Variants in RNLS observed in about 807,000 individuals in gnomAD.
RNLS encodes the protein renalase.
In RNLS, 39 loss-of-function variants were observed where a neutral mutation model predicts 39.8. The observed-to-expected ratio is 0.98, with a 90% CI of 0.76 to 1.28. The LOEUF (loss-of-function observed/expected upper bound fraction) is 1.28, where lower values mean the gene tolerates loss of function less well. Ranked by LOEUF, RNLS falls within the 50% of genes most tolerant of loss-of-function variation. The pLI, the probability that RNLS is intolerant of heterozygous loss-of-function variation, is 0.00. For synonymous variants in RNLS, 147 were observed against 150.7 expected (o/e 0.98, Z 0.18); for missense variants, 410 against 413.3 (o/e 0.99, Z 0.07).
chr10:88,482,375 A>G (rs972936773), intron 4 of RNLS, among the ~76,000 whole-genome samples: 1 of 151,940 alleles, frequency 6.6e-6, no homozygotes, highest in African/African-American at 2.4e-5. Context: ...AATAATTTCT[A>G]TTGATTTGTC....
chr10:88,223,920 T>G, the RNLS span, among the ~76,000 whole-genome samples: 1 of 152,040 alleles, frequency 6.6e-6, no homozygotes, highest in Non-Finnish European at 1.5e-5. Flanking sequence ...ATCCCTTCTT[T>G]TAAGAGTTTT....
chr10:88,580,492 A>G (rs1425406686), intron 3 of RNLS, among the ~76,000 whole-genome samples: 1 of 152,236 alleles, frequency 6.6e-6, no homozygotes, highest in Non-Finnish European at 1.5e-5. Context: ...CTTAGCCTAT[A>G]TCCTTTCTCA....
At chr10:88,474,748 T>TG (rs1461618353) in intron 4 of RNLS, among the ~76,000 whole-genome samples, 1 of 152,044 alleles carries the variant, frequency 6.6e-6, no homozygotes, top group Non-Finnish European at 1.5e-5. Context: ...TTACAATAGG[T>TG]GTAATACCTG....
At chr10:88,551,560 C>T (rs7901991) in intron 4 of RNLS, among the ~76,000 whole-genome samples, 70,418 of 152,030 alleles carry the variant, frequency 0.46, 17,151 homozygotes, top group African/African-American at 0.62. Context: ...TTCTACTGCT[C>T]CTACTTTGGA....
At chr10:88,371,904 TA>T (rs1850589201) in intron 4 of RNLS, among the ~76,000 whole-genome samples, 1 of 152,138 alleles carries the variant, frequency 6.6e-6, no homozygotes, top group African/African-American at 2.4e-5. Flanking sequence ...TATAGGACAA[TA>T]AAGTTCATAT....
At chr10:88,527,444 C>T (rs1847171307) in intron 4 of RNLS, among the ~76,000 whole-genome samples, 1 of 152,136 alleles carries the variant, frequency 6.6e-6, no homozygotes, top group African/African-American at 2.4e-5. Flanking sequence ...AGCCCTGTGC[C>T]CTGGGGAGGG....
the RNLS span, among the ~76,000 whole-genome samples, chr10:88,238,070 T>C: frequency 1.3e-5 from 2 of 152,238 alleles, no homozygotes; most frequent in Non-Finnish European, 2.9e-5. Context: ...GAACTTGAGC[T>C]GCCATGTGGT....
intron 4 of RNLS, among the ~76,000 whole-genome samples, chr10:88,388,727 T>A (rs1451594564): frequency 6.6e-6 from 1 of 152,168 alleles, no homozygotes; most frequent in African/African-American, 2.4e-5. Context: ...ATTACTTATG[T>A]TTTTATTTGA....
intron 3 of RNLS, among the ~76,000 whole-genome samples, chr10:88,579,296 T>C (rs1309246000): frequency 6.6e-6 from 1 of 152,220 alleles, no homozygotes; most frequent in African/African-American, 2.4e-5. Flanking sequence ...GGAACTGTTG[T>C]GAGCTACAAT....
chr10:88,249,086 G>A, the RNLS span, among the ~76,000 whole-genome samples: 1 of 152,154 alleles, frequency 6.6e-6, no homozygotes, highest in African/African-American at 2.4e-5. Context: ...GCTGTGTTTT[G>A]TAGGCTTCTG....
At chr10:88,370,319 A>G (rs946623590) in intron 4 of RNLS, among the ~76,000 whole-genome samples, 3 of 152,132 alleles carry the variant, frequency 2.0e-5, no homozygotes, top group Non-Finnish European at 2.9e-5. Context: ...TAAAATAAAC[A>G]CTTTTAAAAA....
chr10:88,276,034 A>T (rs1313061423), intron 6 of RNLS, among the ~76,000 whole-genome samples: 1 of 152,194 alleles, frequency 6.6e-6, no homozygotes, highest in Non-Finnish European at 1.5e-5. Context: ...AGCTTAGGTG[A>T]CAGAGCAAGA....
downstream of RNLS, among the ~76,000 whole-genome samples, chr10:88,282,478 TACACACACACACACACACACACAC>T (rs60829171): frequency 1.2e-3 from 170 of 143,034 alleles, 2 homozygotes; most frequent in South Asian, 0.026. Context: ...AAAGTGAAAA[TACACACACACACACACACACACAC>T]ACACACACAC....
At chr10:88,582,960 G>A (rs771343562) in intron 1 of RNLS, 113 bp downstream of exon 1, 51 of 1,244,802 alleles carry the variant, frequency 4.1e-5, no homozygotes, top group Admixed American at 8.0e-5. Context: ...GCCGCTCAGG[G>A]AGCTGAGGGT....
At chr10:88,405,324 T>C (rs1853190063) in intron 4 of RNLS, among the ~76,000 whole-genome samples, 1 of 152,058 alleles carries the variant, frequency 6.6e-6, no homozygotes, top group South Asian at 2.1e-4. Context: ...CTATCATAAT[T>C]ATCAACATCG....
chr10:88,473,888 T>G (rs1288304555), intron 4 of RNLS, among the ~76,000 whole-genome samples: 1 of 152,118 alleles, frequency 6.6e-6, no homozygotes, highest in African/African-American at 2.4e-5. Context: ...CTTCTTTTCC[T>G]TTCATAAATG....
At chr10:88,175,968 G>T in the RNLS span, among the ~76,000 whole-genome samples, 1 of 152,078 alleles carries the variant, frequency 6.6e-6, no homozygotes, top group Non-Finnish European at 1.5e-5. Context: ...TTGCTGGATT[G>T]ATCCCTTTAT....
chr10:88,249,163 T>A, the RNLS span, among the ~76,000 whole-genome samples: 2 of 152,224 alleles, frequency 1.3e-5, no homozygotes, highest in Admixed American at 1.3e-4. Flanking sequence ...AAACAATTAT[T>A]TCTCTTTTCC....
intron 6 of RNLS, among the ~76,000 whole-genome samples, chr10:88,298,685 T>A (rs2132938460): frequency 6.6e-6 from 1 of 152,368 alleles, no homozygotes; most frequent in South Asian, 2.1e-4. Context: ...ATTCCATTGA[T>A]CTATGCCTGT....
Sources: allele counts gnomAD v4.1 joint callset (sites outside exome capture counted in the v4.1 genomes callset), GRCh38; gene constraint gnomAD v4.1.1; transcripts MANE v1.5; gene names NCBI Gene and HGNC (gene_info 2026-07-23, HGNC 2026-07-21).